Variants in SUMF1 observed in about 807,000 individuals in gnomAD.
SUMF1 encodes the protein formylglycine-generating enzyme.
Under a neutral mutation model 47.6 loss-of-function variants are expected in SUMF1, and 48 were observed. The ratio of observed to expected loss-of-function variants is 1.01; its 90% CI spans 0.80 to 1.28. The LOEUF is 1.28. SUMF1 is among the 50% of genes most tolerant of loss of function. The probability of loss-of-function intolerance (pLI) is 0.00; values close to 1 mark genes in which losing one functional copy is unlikely to be tolerated. For synonymous variants in SUMF1, 230 were observed against 192.1 expected, an observed-to-expected ratio of 1.20 and a Z score of -1.63; for missense variants, 571 against 485.4, an observed-to-expected ratio of 1.18 and a Z score of -1.66.
At chr3:4,458,375 T>C (rs2079721669) in intron 1 of SUMF1, among the ~76,000 whole-genome samples, 1 of 152,216 alleles carries the variant, frequency 6.6e-6, no homozygotes, top group South Asian at 2.1e-4. Context: ...ATCCCACTTC[T>C]GGGTATATGG....
At chr3:4,350,147 T>C (rs2662123) in intron 8 of SUMF1, among the ~76,000 whole-genome samples, 33,086 of 117,344 alleles carry the variant, frequency 0.28, 7,009 homozygotes, top group African/African-American at 0.63. Context: ...ATTACAGGCA[T>C]GCACCACCAC....
intron 8 of SUMF1, among the ~76,000 whole-genome samples, chr3:4,183,767 G>A (rs4490345): frequency 0.25 from 38,710 of 152,024 alleles, 5,177 homozygotes; most frequent in Middle Eastern, 0.32. Context: ...CCAATGGAAG[G>A]TGGCTAAAAG....
At chr3:4,274,335 G>A (rs1042035669) in intron 8 of SUMF1, among the ~76,000 whole-genome samples, 1 of 152,090 alleles carries the variant, frequency 6.6e-6, no homozygotes, top group African/African-American at 2.4e-5. Flanking sequence ...AGGGAGAAGT[G>A]AGGATGGGGA....
chr3:4,443,995 C>A (rs536856343), intron 3 of SUMF1, among the ~76,000 whole-genome samples: 39 of 152,040 alleles, frequency 2.6e-4, no homozygotes, highest in South Asian at 1.0e-3. Flanking sequence ...GAATACTGAC[C>A]CAATGACAAA....
intron 8 of SUMF1, among the ~76,000 whole-genome samples, chr3:4,085,962 A>G (rs1273253783): frequency 6.6e-6 from 1 of 152,126 alleles, no homozygotes; most frequent in Admixed American, 6.6e-5. Flanking sequence ...TGAAAAGTGT[A>G]TAAAACTGAA....
chr3:4,048,603 C>A (rs1008385832), intron 9 of SUMF1, among the ~76,000 whole-genome samples: 2 of 151,926 alleles, frequency 1.3e-5, no homozygotes, highest in Non-Finnish European at 2.9e-5. Context: ...GTTATAATTT[C>A]ATCTATGTTT....
chr3:4,368,938 C>G (rs138442740), intron 8 of SUMF1, among the ~76,000 whole-genome samples: 1 of 152,136 alleles, frequency 6.6e-6, no homozygotes, highest in Admixed American at 6.5e-5. Context: ...AGCTCAAGTC[C>G]CTGCAAACTG....
At chr3:4,151,417 ATATG>A (rs1559514072) in intron 8 of SUMF1, among the ~76,000 whole-genome samples, 1 of 97,976 alleles carries the variant, frequency 1.0e-5, no homozygotes, top group African/African-American at 4.3e-5. Context: ...ATATATGTAT[ATATG>A]TGTATACATG....
intron 8 of SUMF1, among the ~76,000 whole-genome samples, chr3:4,350,343 GTGTGTGTGTGTATAAT>G (rs1485200914): frequency 1.2e-3 from 182 of 146,686 alleles, no homozygotes; most frequent in Middle Eastern, 3.6e-3. Flanking sequence ...GTGTGTGTGT[GTGTGTGTGTGTATAAT>G]TGTGTGTGTA....
At chr3:4,292,981 A>C (rs1179391239) in intron 8 of SUMF1, among the ~76,000 whole-genome samples, 2 of 152,172 alleles carry the variant, frequency 1.3e-5, no homozygotes, top group African/African-American at 4.8e-5. Context: ...CAGAACGTGA[A>C]ATTTAATCTT....
Position 4,426,123 on chromosome 3 carries a change from AG to A in SUMF1, c.520-5978del, listed in dbSNP as rs560339404. Among the ~76,000 whole-genome samples the A allele has an allele frequency of 9.2e-5, 14 of 152,310 alleles. No individual in the cohort carries two copies. In the South Asian group the frequency reaches 2.3e-3, roughly 25 times the overall value. On this transcript the variant is annotated intron_variant, in intron 3 of 8. Transcript: ENST00000272902. ...GTTGGGGACACAGCCAAACCATATC[AG>A]GGAGGGTGTGAGGGGTAAACAGAAT...
chr3:4,281,112 C>A (rs563717793), intron 8 of SUMF1, among the ~76,000 whole-genome samples: 1 of 151,816 alleles, frequency 6.6e-6, no homozygotes, highest in African/African-American at 2.4e-5. Context: ...GACTTCTGGG[C>A]GAGGAGAAAA....
chr3:4,454,604 G>A (rs1434063211), intron 1 of SUMF1, among the ~76,000 whole-genome samples: 3 of 152,136 alleles, frequency 2.0e-5, no homozygotes. Flanking sequence ...AAAAACATAT[G>A]TCCATGTAAA....
At chr3:4,350,423 C>A (rs1309941343) in intron 8 of SUMF1, among the ~76,000 whole-genome samples, 1 of 151,294 alleles carries the variant, frequency 6.6e-6, no homozygotes, top group Non-Finnish European at 1.5e-5. Context: ...TCCATATATA[C>A]ATGTAGTATA....
rs2079622148 is a variant in SUMF1, at chr3:4,456,695, T to TATATATACGTATATATATAC, written c.271-3647_271-3646insGTATATATATACGTATATAT. Among the ~76,000 whole-genome samples the TATATATACGTATATATATAC allele has an allele frequency of 8.7e-5, 12 of 137,718 alleles. 1 individual carries two copies. The highest frequency in any genetic ancestry group is 6.2e-5 in the Non-Finnish European group (4 of 64,732). 90.3% of individuals were successfully genotyped at this position (137,718 alleles called of 152,430 possible). A position where few individuals can be genotyped will look rare whatever the true frequency, so the allele number is the denominator to read the frequency against. On this transcript the variant is annotated intron_variant, in intron 1 of 8. Coordinates refer to ENST00000272902, the MANE Select transcript of SUMF1 (RefSeq NM_182760.4). Reference sequence around the variant, plus strand: ...ATACGTGTATATATATATGTGTGTATATATATATACGTATATATATACATA... The same window carrying TATATATACGTATATATATAC: ...ATACGTGTATATATATATGTGTGTATATATATACGTATATATATACATATATATACGTATATATATACATA...
intron 4 of SUMF1, 112 bp downstream of exon 4, chr3:4,419,952 G>T (rs1193393608): frequency 6.9e-6 from 6 of 865,092 alleles, no homozygotes; most frequent in African/African-American, 3.3e-5. Flanking sequence ...ATTACAGTTT[G>T]TCATTCTTAT....
intron 8 of SUMF1, among the ~76,000 whole-genome samples, chr3:4,318,054 C>T (rs1048443224): frequency 1.3e-5 from 2 of 152,040 alleles, no homozygotes; most frequent in African/African-American, 4.8e-5. Flanking sequence ...CCTAAGGTTA[C>T]ATACATACAC....
At chr3:4,054,832 C>T (rs886078299) in intron 9 of SUMF1, among the ~76,000 whole-genome samples, 5 of 152,134 alleles carry the variant, frequency 3.3e-5, no homozygotes, top group Non-Finnish European at 5.9e-5. Flanking sequence ...AAGGGCTCCA[C>T]GTATAGTCTT....
chr3:4,262,395 C>A (rs1697106120), intron 8 of SUMF1, among the ~76,000 whole-genome samples: 1 of 152,132 alleles, frequency 6.6e-6, no homozygotes, highest in South Asian at 2.1e-4. Context: ...AACCCTAACA[C>A]CTCTAATATT....
Sources: allele counts gnomAD v4.1 joint callset (sites outside exome capture counted in the v4.1 genomes callset), GRCh38; gene constraint gnomAD v4.1.1; transcripts MANE v1.5; gene names NCBI Gene and HGNC (gene_info 2026-07-23, HGNC 2026-07-21).